The following CAMK2D variants were observed in gnomAD, a reference collection of about 807,000 sequenced individuals.
The protein encoded by CAMK2D is calcium/calmodulin dependent protein kinase II delta.
CAMK2D carries 37 observed loss-of-function variants against 84.0 expected under a neutral mutation model. The ratio of observed to expected loss-of-function variants is 0.44; its 90% CI spans 0.34 to 0.58. The LOEUF is 0.58. CAMK2D is among the 20% of genes least tolerant of loss of function. The pLI, the probability that CAMK2D is intolerant of heterozygous loss-of-function variation, is 0.02. For synonymous variants in CAMK2D, 202 were observed against 212.5 expected (o/e 0.95, Z 0.43); for missense variants, 448 against 652.5 (o/e 0.69, Z 3.41).
intron 16 of CAMK2D, among the ~76,000 whole-genome samples, chr4:113,474,289 A>C (rs1258471656): frequency 6.6e-6 from 1 of 152,176 alleles, no homozygotes; most frequent in Non-Finnish European, 1.5e-5. Context: ...CTCAGATTTA[A>C]GATTATAAAG....
intron 6 of CAMK2D, among the ~76,000 whole-genome samples, chr4:113,545,962 T>C (rs2098565187): frequency 6.6e-6 from 1 of 152,334 alleles, no homozygotes; most frequent in Admixed American, 6.5e-5. Context: ...TATATTTTTC[T>C]TCACAGCCCA....
intron 4 of CAMK2D, among the ~76,000 whole-genome samples, chr4:113,601,698 T>C (rs2154260453): frequency 7.0e-6 from 1 of 142,272 alleles, no homozygotes; most frequent in Admixed American, 7.0e-5. Flanking sequence ...TTTTTTTTTT[T>C]TTTTTTTTTT....
At chr4:113,670,896 C>T (rs2099278792) in intron 2 of CAMK2D, among the ~76,000 whole-genome samples, 1 of 152,150 alleles carries the variant, frequency 6.6e-6, no homozygotes, top group East Asian at 1.9e-4. Context: ...CCACTGCACT[C>T]CAGCCTGGGC....
At chr4:113,670,923 G>A (rs888344281) in intron 2 of CAMK2D, among the ~76,000 whole-genome samples, 2 of 151,216 alleles carry the variant, frequency 1.3e-5, no homozygotes, top group South Asian at 2.1e-4. Flanking sequence ...GCGAGACTCC[G>A]TCTCAAAAAA....
intron 2 of CAMK2D, among the ~76,000 whole-genome samples, chr4:113,729,063 A>G: frequency 6.6e-6 from 1 of 150,410 alleles, no homozygotes; most frequent in South Asian, 2.1e-4. Context: ...TTAAATGGAC[A>G]ATGGAAAGAC....
intron 16 of CAMK2D, among the ~76,000 whole-genome samples, chr4:113,480,050 C>T: frequency 6.6e-6 from 1 of 152,040 alleles, no homozygotes; most frequent in East Asian, 1.9e-4. Context: ...CAACCTCTGC[C>T]TCCCGGGTTC....
intron 16 of CAMK2D, 147 bp downstream of exon 16, chr4:113,500,316 A>G: frequency 2.0e-6 from 1 of 499,246 alleles, no homozygotes; most frequent in African/African-American, 1.9e-5. Context: ...ATGTACTTAT[A>G]AAAATATTTT....
intron 2 of CAMK2D, among the ~76,000 whole-genome samples, chr4:113,676,735 G>A (rs926696598): frequency 6.6e-6 from 1 of 152,128 alleles, no homozygotes; most frequent in South Asian, 2.1e-4. Context: ...ATCAAGGATG[G>A]AAATTTGAGC....
intron 4 of CAMK2D, among the ~76,000 whole-genome samples, chr4:113,587,185 A>C (rs768980537): frequency 4.1e-4 from 62 of 152,212 alleles, no homozygotes; most frequent in Non-Finnish European, 6.8e-4. Context: ...AAGAAGAATT[A>C]GAATAATACT....
At chr4:113,694,157 A>G (rs1409666330) in intron 2 of CAMK2D, among the ~76,000 whole-genome samples, 2 of 152,212 alleles carry the variant, frequency 1.3e-5, no homozygotes. Flanking sequence ...ATTTGCTCAG[A>G]GAATGGAAAT....
chr4:113,613,180 T>C (rs932699260), intron 3 of CAMK2D, among the ~76,000 whole-genome samples: 2 of 152,168 alleles, frequency 1.3e-5, no homozygotes, highest in Non-Finnish European at 2.9e-5. Context: ...ATTTAATATA[T>C]GCAAGCACCA....
intron 4 of CAMK2D, among the ~76,000 whole-genome samples, chr4:113,579,788 ATGCTTGAAAGAGCC>A (rs1212441171): frequency 2.0e-5 from 3 of 152,234 alleles, no homozygotes; most frequent in Non-Finnish European, 4.4e-5. Flanking sequence ...CTAACCCAGC[ATGCTTGAAAGAGCC>A]TGACATTTTA....
intron 16 of CAMK2D, among the ~76,000 whole-genome samples, chr4:113,466,867 TTACTTG>T (rs2097478790): frequency 6.6e-6 from 1 of 152,230 alleles, no homozygotes; most frequent in Non-Finnish European, 1.5e-5. Context: ...AAACACATTA[TTACTTG>T]TTTTAAATTG....
At chr4:113,754,898 T>C (rs2099625000) in intron 2 of CAMK2D, 7 of 983,082 alleles carry the variant, frequency 7.1e-6, no homozygotes, top group African/African-American at 1.7e-5. Context: ...AATATAAAAA[T>C]GATTTACTAA....
At chr4:113,503,374 T>G in intron 14 of CAMK2D, 1 of 484,790 alleles carries the variant, frequency 2.1e-6, no homozygotes, top group East Asian at 5.3e-5. Flanking sequence ...TGAGATGATT[T>G]CAAATTCTCA....
chr4:113,671,090 T>C (rs1377178058), intron 2 of CAMK2D, among the ~76,000 whole-genome samples: 1 of 152,346 alleles, frequency 6.6e-6, no homozygotes, highest in South Asian at 2.1e-4. Flanking sequence ...TATTTTGTTA[T>C]TCTTAAGCAT....
chr4:113,521,741 A>C (rs1347757370), intron 8 of CAMK2D, among the ~76,000 whole-genome samples: 1 of 151,652 alleles, frequency 6.6e-6, no homozygotes, highest in East Asian at 2.0e-4. Context: ...TAAAACTAAT[A>C]TTACTGTCAT....
chr4:113,563,979 A>T (rs1488232042), intron 4 of CAMK2D, among the ~76,000 whole-genome samples: 1 of 152,200 alleles, frequency 6.6e-6, no homozygotes, highest in African/African-American at 2.4e-5. Context: ...TAGAATTTAA[A>T]AAATCCTTAG....
At chr4:113,678,818 A>T (rs2099328880) in intron 2 of CAMK2D, among the ~76,000 whole-genome samples, 3 of 152,152 alleles carry the variant, frequency 2.0e-5, no homozygotes, top group African/African-American at 7.2e-5. Context: ...ATTTAAGTAT[A>T]AAATACAAAG....
Sources: allele counts gnomAD v4.1 joint callset (sites outside exome capture counted in the v4.1 genomes callset), GRCh38; gene constraint gnomAD v4.1.1; transcripts MANE v1.5; gene names NCBI Gene and HGNC (gene_info 2026-07-23, HGNC 2026-07-21).